Variants in CA13 observed in about 807,000 individuals in gnomAD.
CA13 encodes carbonic anhydrase 13.
A neutral mutation model predicts 31.5 loss-of-function variants in CA13; 21 were observed. That is an observed-to-expected ratio of 0.67 (90% CI 0.47 to 0.96). The LOEUF is 0.96. CA13 is among the 40% of genes least tolerant of loss of function. The pLI is 0.00. For missense variants in CA13, 315 were observed against 318.9 expected (o/e 0.99, Z 0.09); for synonymous variants, 117 against 111.4 (o/e 1.05, Z -0.32).
rs1309584095 is a variant in CA13 at position 85,281,601 on chromosome 8, C to A, written c.*252C>A. 3.9e-6 allele frequency: 3 copies of A among 765,004 alleles called. No homozygotes were observed. The Admixed American group carries it at 1.3e-4, about 32-fold the overall frequency. 47.4% of individuals were successfully genotyped at this position (765,004 alleles called of 1,614,324 possible). ...AGTCTTGGCTAATTGCAGCCTCCAACTCCTGGACTCAAGTGATCCTCCCAC... is the reference window on the plus strand; with the variant it reads ...AGTCTTGGCTAATTGCAGCCTCCAAATCCTGGACTCAAGTGATCCTCCCAC... On this transcript the variant is annotated 3_prime_UTR_variant, in exon 7 of 7. Transcript: ENST00000321764.
At chr8:85,257,303 T>G (rs1807314552) in intron 2 of CA13, among the ~76,000 whole-genome samples, 1 of 152,226 alleles carries the variant, frequency 6.6e-6, no homozygotes, top group Admixed American at 6.5e-5. Flanking sequence ...TGTATCCTAA[T>G]TAGCAGAGAG....
intron 2 of CA13, among the ~76,000 whole-genome samples, chr8:85,251,893 ACT>A (rs1363941011): frequency 2.6e-5 from 4 of 152,160 alleles, no homozygotes; most frequent in African/African-American, 7.2e-5. Context: ...ATGCTATATA[ACT>A]CTGAATTTTT....
intron 6 of CA13, among the ~76,000 whole-genome samples, chr8:85,275,508 A>G (rs1360151288): frequency 6.6e-6 from 1 of 152,164 alleles, no homozygotes. Flanking sequence ...CTAGATCTAC[A>G]AACAGGTTTT....
intron 1 of CA13, chr8:85,246,615 T>C (rs982280829): frequency 4.7e-6 from 2 of 422,840 alleles, no homozygotes; most frequent in Non-Finnish European, 4.8e-6. Flanking sequence ...GACATACACT[T>C]TTCTTCTTGT....
At position 85,283,570 on chromosome 8, in the gene CA13, A is replaced by T. The variant is rs1807739131; in HGVS notation, c.*2221A>T. The T allele has an allele frequency of 6.6e-6, 1 of 152,666 alleles. No homozygotes were observed. Among genetic ancestry groups the T allele is most frequent in the African/African-American group, 2.4e-5 (1 of 41,462 alleles). 9.5% of individuals were successfully genotyped at this position (152,666 alleles called of 1,614,324 possible). A position where few individuals can be genotyped will look rare whatever the true frequency, so the allele number is the denominator to read the frequency against. On this transcript the variant is annotated 3_prime_UTR_variant, in exon 7 of 7. Transcript: ENST00000321764. ...TTTAAAGGAATACTAATTAATTGTA[A>T]CTTGTAAAACCAAAAGTTCTAATGG... is the stretch of plus-strand genomic sequence containing the variant.
intron 2 of CA13, among the ~76,000 whole-genome samples, chr8:85,251,271 G>A (rs1325542439): frequency 6.6e-6 from 1 of 152,022 alleles, no homozygotes; most frequent in African/African-American, 2.4e-5. Flanking sequence ...CAAAGTGCTG[G>A]GATTACAGGC....
In CA13 at chr8:85,268,653, C is replaced by G. The variant is rs898671888; in HGVS notation, c.669+26C>G. The G allele has an allele frequency of 3.9e-6, 6 of 1,549,336 alleles. No individual in the cohort carries two copies. In the Admixed American group the frequency reaches 9.4e-5, roughly 24 times the overall value. ...GTACATAATCTCTTCCAGGTTGATA[C>G]TGATTCCCTCAGAGGAAACTGGGCT... is the stretch of plus-strand genomic sequence containing the variant. On this transcript the variant is annotated intron_variant, in intron 6 of 6. Coordinates refer to ENST00000321764, the MANE Select transcript of CA13 (RefSeq NM_198584.3).
intron 2 of CA13, among the ~76,000 whole-genome samples, chr8:85,252,956 T>C (rs1297183713): frequency 1.3e-5 from 2 of 151,928 alleles, no homozygotes; most frequent in Admixed American, 6.6e-5. Context: ...CTTTTCTTTT[T>C]TTTTTTGAGA....
chr8:85,278,208 G>T (rs1473764944), intron 6 of CA13, among the ~76,000 whole-genome samples: 1 of 144,508 alleles, frequency 6.9e-6, no homozygotes. Flanking sequence ...GGAGGTTGCA[G>T]TGAGTCGAGA....
intron 6 of CA13, among the ~76,000 whole-genome samples, chr8:85,275,406 G>A (rs1262060408): frequency 6.6e-6 from 1 of 152,152 alleles, no homozygotes; most frequent in East Asian, 1.9e-4. Context: ...AAGGGGGAAT[G>A]TCTATCCCCT....
At chr8:85,263,355 G>A (rs1274827193) in intron 3 of CA13, among the ~76,000 whole-genome samples, 4 of 152,188 alleles carry the variant, frequency 2.6e-5, no homozygotes, top group Admixed American at 2.6e-4. Flanking sequence ...GGAATGACAT[G>A]TTCTGCTTTA....
chr8:85,279,917 A>G (rs192659326), intron 6 of CA13, among the ~76,000 whole-genome samples: 53 of 152,276 alleles, frequency 3.5e-4, no homozygotes, highest in Admixed American at 2.9e-3. Context: ...GATCTGGTCT[A>G]ATGAAACATG....
At position 85,282,848 on chromosome 8, in the gene CA13, G is replaced by A. The variant is rs1807728389; in HGVS notation, c.*1499G>A. 1 of 151,994 alleles carries A rather than the reference G, an allele frequency of 6.6e-6. No individual in the cohort carries two copies. The highest frequency in any genetic ancestry group is 1.5e-5 in the Non-Finnish European group (1 of 67,998). The allele number at this position is 151,994 out of a possible 1,614,324, so 9.4% of individuals were successfully genotyped here. A position where few individuals can be genotyped will look rare whatever the true frequency, so the allele number is the denominator to read the frequency against. On this transcript the variant is annotated 3_prime_UTR_variant, in exon 7 of 7. Coordinates refer to ENST00000321764, the MANE Select transcript of CA13 (RefSeq NM_198584.3). ...ACATGCTACCCTTTTGTCATCTTCTGACATAAGTTTACCTGAGTTTCCTTG... is the reference window on the plus strand; with the variant it reads ...ACATGCTACCCTTTTGTCATCTTCTAACATAAGTTTACCTGAGTTTCCTTG...
intron 6 of CA13, among the ~76,000 whole-genome samples, chr8:85,273,568 G>T (rs1229558168): frequency 2.0e-5 from 3 of 152,060 alleles, no homozygotes; most frequent in Non-Finnish European, 2.9e-5. Context: ...CTCCAGCAGC[G>T]TGCGTCAGGC....
At chr8:85,273,120 G>A (rs1022940439) in intron 6 of CA13, among the ~76,000 whole-genome samples, 4 of 152,184 alleles carry the variant, frequency 2.6e-5, no homozygotes, top group African/African-American at 9.6e-5. Flanking sequence ...GCCCAGCTGA[G>A]TAAAGTACTA....
At chr8:85,277,141 G>A (rs1484717693) in intron 6 of CA13, among the ~76,000 whole-genome samples, 1 of 152,182 alleles carries the variant, frequency 6.6e-6, no homozygotes, top group East Asian at 1.9e-4. Context: ...GCCAGCAGTG[G>A]CAACCCACTG....
intron 6 of CA13, among the ~76,000 whole-genome samples, chr8:85,278,804 A>T (rs1272056528): frequency 6.6e-6 from 1 of 152,228 alleles, no homozygotes; most frequent in African/African-American, 2.4e-5. Flanking sequence ...GAAAATAAGT[A>T]AACAGAAAAC....
chr8:85,272,063 A>G (rs1400707218), intron 6 of CA13, among the ~76,000 whole-genome samples: 1 of 152,100 alleles, frequency 6.6e-6, no homozygotes, highest in Non-Finnish European at 1.5e-5. Flanking sequence ...GCAAGACTCT[A>G]TCTCAAAATA....
intron 6 of CA13, 22 bp downstream of exon 6, chr8:85,268,649 G>C (rs1473635606): frequency 1.3e-6 from 2 of 1,529,660 alleles, no homozygotes; most frequent in Non-Finnish European, 1.8e-6. Context: ...CTTCCAGGTT[G>C]ATACTGATTC....
Sources: gnomAD v4.1 joint callset for allele counts (sites outside exome capture counted in the v4.1 genomes callset) on GRCh38, gnomAD v4.1.1 for gene constraint, MANE v1.5 for transcripts, NCBI Gene and HGNC (gene_info 2026-07-23, HGNC 2026-07-21) for gene names.